GPC6: variants seen among roughly 807,000 people sequenced by gnomAD.
The protein encoded by GPC6 is glypican 6.
In GPC6, 14 loss-of-function variants were observed where a neutral mutation model predicts 55.2. The ratio of observed to expected loss-of-function variants is 0.25; its 90% CI spans 0.17 to 0.40. The LOEUF (loss-of-function observed/expected upper bound fraction) is 0.40, where lower values mean the gene tolerates loss of function less well. GPC6 is among the 10% of genes least tolerant of loss of function. GPC6 has a pLI of 1.00. For missense variants in GPC6, 641 were observed against 708.5 expected (o/e 0.90, Z 1.08); for synonymous variants, 278 against 259.6 (o/e 1.07, Z -0.68).
intron 4 of GPC6, among the ~76,000 whole-genome samples, chr13:94,107,912 A>G (rs1465918132): frequency 6.6e-6 from 1 of 152,222 alleles, no homozygotes; most frequent in African/African-American, 2.4e-5. Context: ...GGATGCAGTG[A>G]AAAGGGAACA....
intron 1 of GPC6, among the ~76,000 whole-genome samples, chr13:93,308,141 C>T (rs1193836362): frequency 6.6e-6 from 1 of 151,946 alleles, no homozygotes; most frequent in African/African-American, 2.4e-5. Context: ...AAAAATTAGC[C>T]GGGCCTGGTG....
intron 2 of GPC6, among the ~76,000 whole-genome samples, chr13:93,709,411 T>G (rs1353966571): frequency 6.6e-6 from 1 of 151,816 alleles, no homozygotes; most frequent in Non-Finnish European, 1.5e-5. Flanking sequence ...TTACATATTT[T>G]TTTTTGCTTT....
At chr13:93,437,190 C>T (rs1877605017) in intron 1 of GPC6, among the ~76,000 whole-genome samples, 1 of 152,108 alleles carries the variant, frequency 6.6e-6, no homozygotes, top group Admixed American at 6.6e-5. Flanking sequence ...CATCTCTTCC[C>T]TTTACCTTGA....
At chr13:93,352,481 A>G (rs971797794) in intron 1 of GPC6, among the ~76,000 whole-genome samples, 4 of 152,086 alleles carry the variant, frequency 2.6e-5, no homozygotes, top group African/African-American at 9.7e-5. Context: ...GGCCATTTAT[A>G]TTTTACGAAT....
intron 1 of GPC6, among the ~76,000 whole-genome samples, chr13:93,371,145 A>G (rs1317395780): frequency 1.3e-5 from 2 of 152,100 alleles, no homozygotes; most frequent in African/African-American, 2.4e-5. Flanking sequence ...AGTTCTTGAC[A>G]TATGCATTTT....
chr13:93,238,395 T>C (rs1876313456), intron 1 of GPC6, among the ~76,000 whole-genome samples: 1 of 152,122 alleles, frequency 6.6e-6, no homozygotes, highest in South Asian at 2.1e-4. Context: ...TATTGGTATA[T>C]AGCAGTGCCA....
chr13:93,266,445 A>C (rs950393778), intron 1 of GPC6, among the ~76,000 whole-genome samples: 9 of 152,240 alleles, frequency 5.9e-5, no homozygotes, highest in African/African-American at 2.2e-4. Flanking sequence ...CTGTAAAGTT[A>C]AGAAACATGT....
intron 7 of GPC6, among the ~76,000 whole-genome samples, chr13:94,394,098 C>G (rs1880792473): frequency 6.6e-6 from 1 of 152,174 alleles, no homozygotes; most frequent in South Asian, 2.1e-4. Context: ...CTAATCGGTT[C>G]TAATGTTTGG....
chr13:93,764,332 A>G (rs575197227), intron 2 of GPC6, among the ~76,000 whole-genome samples: 36 of 152,156 alleles, frequency 2.4e-4, no homozygotes, highest in African/African-American at 7.9e-4. Flanking sequence ...ATATTTTGTT[A>G]TATTTGACCT....
At chr13:94,102,883 T>C (rs1045869945) in intron 4 of GPC6, among the ~76,000 whole-genome samples, 2 of 152,186 alleles carry the variant, frequency 1.3e-5, no homozygotes, top group Non-Finnish European at 2.9e-5. Context: ...AGATTTTTAA[T>C]TTCTTTTTTT....
chr13:93,856,611 G>A (rs935358511), intron 3 of GPC6, among the ~76,000 whole-genome samples: 1 of 151,628 alleles, frequency 6.6e-6, no homozygotes, highest in Non-Finnish European at 1.5e-5. Flanking sequence ...ACAGGCTTGG[G>A]AAGAACCTAG....
At chr13:94,240,960 G>A (rs1891038094) in intron 4 of GPC6, among the ~76,000 whole-genome samples, 1 of 152,180 alleles carries the variant, frequency 6.6e-6, no homozygotes, top group Non-Finnish European at 1.5e-5. Context: ...GGAAATGGCA[G>A]GATGAACAAT....
At chr13:94,051,657 C>T (rs899973565) in intron 4 of GPC6, among the ~76,000 whole-genome samples, 15 of 151,924 alleles carry the variant, frequency 9.9e-5, no homozygotes, top group Admixed American at 9.2e-4. Context: ...AATAATTGCA[C>T]AAAATTAAAG....
rs1437099441 is a variant in GPC6 at position 93,491,884 on chromosome 13, C to G, written c.161-53379C>G. On this transcript the variant is annotated intron_variant, in intron 1 of 8. Transcript: ENST00000377047. ...TGTTCTGCTCCATTGATCTTTATCT[C>G]TGTTTTGGTACCAGTACCATGCTGT... Among the ~76,000 whole-genome samples the G allele has an allele frequency of 8.5e-5, 9 of 105,672 alleles. 3 individuals carry two copies. The highest frequency in any genetic ancestry group is 6.3e-4 in the South Asian group (2 of 3,170). 69.3% of individuals were successfully genotyped at this position (105,672 alleles called of 152,430 possible). A position where few individuals can be genotyped will look rare whatever the true frequency, so the allele number is the denominator to read the frequency against.
intron 1 of GPC6, among the ~76,000 whole-genome samples, chr13:93,278,530 T>C (rs1159860961): frequency 6.6e-6 from 1 of 152,234 alleles, no homozygotes; most frequent in Admixed American, 6.5e-5. Context: ...ATAAGACATT[T>C]TGATACATTA....
intron 8 of GPC6, among the ~76,000 whole-genome samples, chr13:94,401,584 GT>G (rs1881130668): frequency 6.6e-6 from 1 of 152,124 alleles, no homozygotes; most frequent in Non-Finnish European, 1.5e-5. Flanking sequence ...TATTAAATAT[GT>G]TAATCTTTGA....
At chr13:93,840,924 T>A (rs1887932916) in intron 3 of GPC6, among the ~76,000 whole-genome samples, 1 of 152,158 alleles carries the variant, frequency 6.6e-6, no homozygotes, top group South Asian at 2.1e-4. Context: ...GAACCTGACG[T>A]TTATCCCAGT....
intron 1 of GPC6, among the ~76,000 whole-genome samples, chr13:93,250,638 A>T (rs139609632): frequency 7.9e-4 from 120 of 152,252 alleles, no homozygotes; most frequent in Non-Finnish European, 1.4e-3. Context: ...GAGCCAGACC[A>T]GTGCTACCCA....
At chr13:93,287,228 G>A (rs991747263) in intron 1 of GPC6, among the ~76,000 whole-genome samples, 3 of 152,128 alleles carry the variant, frequency 2.0e-5, no homozygotes, top group Non-Finnish European at 4.4e-5. Flanking sequence ...TAAGATAAAA[G>A]AGCCTACTGA....
Sources: gnomAD v4.1 joint callset for allele counts (sites outside exome capture counted in the v4.1 genomes callset) on GRCh38, gnomAD v4.1.1 for gene constraint, MANE v1.5 for transcripts, NCBI Gene and HGNC (gene_info 2026-07-23, HGNC 2026-07-21) for gene names.